FANCA: variants seen among roughly 807,000 people sequenced by gnomAD.
The protein encoded by FANCA is Fanconi anemia group A protein.
In FANCA, 236 loss-of-function variants were observed where a neutral mutation model predicts 194.3. The observed-to-expected ratio is 1.21, with a 90% CI of 1.09 to 1.35. The LOEUF (loss-of-function observed/expected upper bound fraction) is 1.35. Among genes scored for constraint, FANCA ranks in the 40% most tolerant of loss-of-function variants. The pLI, the probability that FANCA is intolerant of heterozygous loss-of-function variation, is 0.00. For missense variants in FANCA, 2,628 were observed against 1,813.9 expected, an observed-to-expected ratio of 1.45 and a Z score of -8.15; for synonymous variants, 1,014 against 715.8, an observed-to-expected ratio of 1.42 and a Z score of -6.65.
intron 14 of FANCA, among the ~76,000 whole-genome samples, chr16:89,789,288 T>G (rs1459364783): frequency 8.4e-6 from 1 of 118,654 alleles, no homozygotes; most frequent in Non-Finnish European, 1.6e-5. Flanking sequence ...CTGTGCAGCC[T>G]CAGCTCCTCA....
rs763441084 is a variant in FANCA, at chr16:89,755,114, A to G, written c.2982-2892T>C. On this transcript the variant is annotated intron_variant, in intron 30 of 42. Transcript: ENST00000389301. ...CATCTAACTTTTGACAAGGGTGCCA[A>G]GACCATTCAGTGGGGAAAGAAGTGT... 5.9e-5 allele frequency among the ~76,000 whole-genome samples: 9 copies of G among 152,332 alleles called. No individual in the cohort carries two copies. In the East Asian group the frequency reaches 9.6e-4, roughly 16 times the overall value.
rs1346026396 is a variant in FANCA, at chr16:89,738,273, A to G, written c.*328T>C. The G allele has an allele frequency of 6.4e-7, 1 of 1,569,266 alleles. No homozygotes were observed. The highest frequency in any genetic ancestry group is 1.2e-5 in the South Asian group (1 of 86,604). On this transcript the variant is annotated 3_prime_UTR_variant, in exon 43 of 43. Coordinates refer to ENST00000389301, the MANE Select transcript of FANCA (RefSeq NM_000135.4). ...GACGGCAGTGAGGATGAGCACCTCTAGCAGCCTGGACTCCGCAGTGGCTGT... is the reference window on the plus strand; with the variant it reads ...GACGGCAGTGAGGATGAGCACCTCTGGCAGCCTGGACTCCGCAGTGGCTGT...
chr16:89,757,972 C>G lies in FANCA; in HGVS notation c.2981+605G>C, dbSNP rs562860500. 1.1e-4 allele frequency among the ~76,000 whole-genome samples: 16 copies of G among 152,316 alleles called. No homozygotes were observed. In the South Asian group the frequency reaches 3.3e-3, roughly 32 times the overall value. On this transcript the variant is annotated intron_variant, in intron 30 of 42. Coordinates refer to ENST00000389301, the MANE Select transcript of FANCA (RefSeq NM_000135.4). ...CCAGGTTCAAGCAATCCTCCTGCCTCAGCCTCCCAAGTAGCTGGGATTACA... is the reference window on the plus strand; with the variant it reads ...CCAGGTTCAAGCAATCCTCCTGCCTGAGCCTCCCAAGTAGCTGGGATTACA...
chr16:89,745,127 C>A, intron 35 of FANCA, 56 bp from the exon 36 acceptor site: 1 of 1,487,654 alleles, frequency 6.7e-7, no homozygotes, highest in Non-Finnish European at 9.1e-7. Context: ...CACACCTCCG[C>A]TGCCCCAGCC....
Position 89,741,357 on chromosome 16 carries a change from C to T in FANCA, c.3766-491G>A, listed in dbSNP as rs561536469. 1.3e-4 allele frequency among the ~76,000 whole-genome samples: 20 copies of T among 152,316 alleles called. 1 individual carries two copies. In the South Asian group the frequency reaches 3.9e-3, roughly 30 times the overall value. On this transcript the variant is annotated intron_variant, in intron 37 of 42. Coordinates refer to ENST00000389301, the MANE Select transcript of FANCA (RefSeq NM_000135.4). ...CAAAACTACACAAGAAACCTGAAGA[C>T]GTACTCAGAAGAACCCCTGCAGGGT...
In FANCA at chr16:89,781,795, C is replaced by T. The variant is rs7206317; in HGVS notation, c.1626+1064G>A. ...CGGGCGGATCACGAGGTCAGGAGATCGAGACCATACTGGCTAACGTGGTGA... is the reference window on the plus strand; with the variant it reads ...CGGGCGGATCACGAGGTCAGGAGATTGAGACCATACTGGCTAACGTGGTGA... On this transcript the variant is annotated intron_variant, in intron 17 of 42. Coordinates refer to ENST00000389301, the MANE Select transcript of FANCA (RefSeq NM_000135.4). Among the ~76,000 whole-genome samples the T allele has an allele frequency of 4.8e-4, 72 of 149,326 alleles. 3 individuals carry two copies. The South Asian group carries it at 0.014, about 29-fold the overall frequency.
At chr16:89,808,103 C>T (rs1445239004) in intron 6 of FANCA, among the ~76,000 whole-genome samples, 191 bp downstream of exon 6, 2 of 151,724 alleles carry the variant, frequency 1.3e-5, no homozygotes, top group African/African-American at 2.4e-5. Flanking sequence ...ACACCATAAA[C>T]GTTCTCTTGA....
intron 11 of FANCA, among the ~76,000 whole-genome samples, chr16:89,794,176 G>A (rs62053701): frequency 0.059 from 9,028 of 152,196 alleles, 415 homozygotes; most frequent in East Asian, 0.22. Flanking sequence ...TCTCAGGCCC[G>A]GTTACTTACT....
chr16:89,742,888 G>T lies in FANCA; in HGVS notation c.3677C>A (p.Ser1226Ter), dbSNP rs1383840440. The T allele has an allele frequency of 1.2e-6, 2 of 1,614,046 alleles. No homozygotes were observed. The highest frequency in any genetic ancestry group is 1.7e-6 in the Non-Finnish European group (2 of 1,180,026). Residue 1226 changes from serine (S) to a stop codon, truncating the protein, a stop_gained, in exon 37 of 43, where the codon TCA (serine) becomes TAA (stop). Coordinates refer to ENST00000389301, the MANE Select transcript of FANCA (RefSeq NM_000135.4). LOFTEE classifies it high-confidence loss of function. ...ASPAPNPDWLSAAALHFAIQQ... is the reference protein window; with the variant it reads ...ASPAPNPDWL ...AATCGCAAAGTGCAGTGCAGCAGCTGAGAGCCAGTCCGGGTTGGGTGCTGG... is the reference window on the plus strand; with the variant it reads ...AATCGCAAAGTGCAGTGCAGCAGCTTAGAGCCAGTCCGGGTTGGGTGCTGG...
chr16:89,798,703 C>A, intron 10 of FANCA: 27 of 1,306,566 alleles, frequency 2.1e-5, no homozygotes, highest in Non-Finnish European at 2.7e-5. Context: ...GCTAATAGGG[C>A]CAAGCTTTGC....
intron 2 of FANCA, 145 bp from the exon 3 acceptor site, chr16:89,814,758 T>A: frequency 1.6e-6 from 1 of 643,344 alleles, no homozygotes; most frequent in South Asian, 1.5e-5. Flanking sequence ...CTGGCCAACA[T>A]AGTGAAACCC....
intron 32 of FANCA, among the ~76,000 whole-genome samples, chr16:89,749,406 T>C (rs1487288468): frequency 6.6e-6 from 1 of 152,194 alleles, no homozygotes. Context: ...TTTGTATTTT[T>C]AGTAGACATG....
chr16:89,815,679 GT>G (rs1399102269), intron 2 of FANCA, among the ~76,000 whole-genome samples, 197 bp downstream of exon 2: 1 of 151,972 alleles, frequency 6.6e-6, no homozygotes, highest in African/African-American at 2.4e-5. Context: ...TTGTTGTTTT[GT>G]TTTTAATAAA....
In FANCA at chr16:89,812,587, G is replaced by A. The variant is rs1052530496; in HGVS notation, c.284-1516C>T. On this transcript the variant is annotated intron_variant, in intron 3 of 42. Coordinates refer to ENST00000389301, the MANE Select transcript of FANCA (RefSeq NM_000135.4). ...CTTTAACTAGGGAGGCAGAGGTTGC[G>A]GTGAGTCGAGATCACACCATTGCAC... is the stretch of plus-strand genomic sequence containing the variant. Among the ~76,000 whole-genome samples the A allele has an allele frequency of 2.8e-5, 4 of 144,810 alleles. No individual in the cohort carries two copies. In the South Asian group the frequency reaches 6.7e-4, roughly 24 times the overall value.
At position 89,779,729 on chromosome 16, in the gene FANCA, AG is replaced by A. The variant is rs2039636667; in HGVS notation, c.1715+139del. The A allele has an allele frequency of 9.3e-6, 7 of 752,724 alleles. No individual in the cohort carries two copies. The East Asian group carries it at 1.9e-4, about 20-fold the overall frequency. 46.6% of individuals were successfully genotyped at this position (752,724 alleles called of 1,614,324 possible). On this transcript the variant is annotated intron_variant, in intron 18 of 42. Transcript: ENST00000389301. ...GGCAGAAATGGGACACACTCCAAAG[AG>A]CCCCAGACGCTGGCAGGCATCAGAG...
chr16:89,752,367 A>C (rs1598081667), intron 30 of FANCA, 145 bp from the exon 31 acceptor site: 51 of 752,262 alleles, frequency 6.8e-5, no homozygotes, highest in African/African-American at 1.7e-5. Flanking sequence ...AACAACAAAA[A>C]CTGCCACAAA....
chr16:89,774,753 A>AAAAAAAAAAAAAC (rs2039442720), intron 21 of FANCA, among the ~76,000 whole-genome samples: 3 of 147,540 alleles, frequency 2.0e-5, no homozygotes, highest in Non-Finnish European at 3.0e-5. Context: ...AAAAAAAAAA[A>AAAAAAAAAAAAAC]ATCTCAACGA....
chr16:89,781,363 C>CAAAAA (rs775937692), intron 17 of FANCA, among the ~76,000 whole-genome samples: 630 of 59,206 alleles, frequency 0.011, no homozygotes, highest in Non-Finnish European at 0.014. Flanking sequence ...GACTCCATTC[C>CAAAAA]AAAAAAAAAA....
chr16:89,751,516 T>TG (rs1487036336), intron 31 of FANCA, among the ~76,000 whole-genome samples: 3 of 152,104 alleles, frequency 2.0e-5, no homozygotes, highest in African/African-American at 7.2e-5. Context: ...AAAAAGCAGA[T>TG]GGTCTCACTG....
Sources: allele counts gnomAD v4.1 joint callset (sites outside exome capture counted in the v4.1 genomes callset), GRCh38; gene constraint gnomAD v4.1.1; transcripts MANE v1.5; gene names NCBI Gene and HGNC (gene_info 2026-07-23, HGNC 2026-07-21).